Variants in KCNH8 observed in about 807,000 individuals in gnomAD.
KCNH8 encodes the protein voltage-gated delayed rectifier potassium channel KCNH8.
KCNH8 carries 70 observed loss-of-function variants against 103.6 expected under a neutral mutation model. The observed-to-expected ratio is 0.68, with a 90% CI of 0.56 to 0.82. The LOEUF is 0.82. Ranked by LOEUF, KCNH8 falls within the 40% of genes least tolerant of loss-of-function variation. The pLI, the probability that KCNH8 is intolerant of heterozygous loss-of-function variation, is 0.00. For synonymous variants in KCNH8, 498 were observed against 489.4 expected (o/e 1.02, Z -0.23); for missense variants, 1,217 against 1,329.9 (o/e 0.92, Z 1.32).
chr3:19,288,181 C>CTTTTTTTTTTTTTTTT lies in KCNH8; in HGVS notation c.442+6867_442+6882dup, dbSNP rs767659898. Among the ~76,000 whole-genome samples, 4 of 38,162 alleles carry CTTTTTTTTTTTTTTTT rather than the reference C, an allele frequency of 1.0e-4. 1 individual carries two copies. Among genetic ancestry groups the CTTTTTTTTTTTTTTTT allele is most frequent in the African/African-American group, 3.9e-4 (4 of 10,366 alleles). 25.0% of individuals were successfully genotyped at this position (38,162 alleles called of 152,430 possible). On this transcript the variant is annotated intron_variant, in intron 3 of 15. Coordinates refer to ENST00000328405, the MANE Select transcript of KCNH8 (RefSeq NM_144633.3). ...CTTCTTGCACCGGTGTATCAAACTT[C>CTTTTTTTTTTTTTTTT]TTTTTTTTTTTTTTTTTTTTTTTTT...
chr3:19,476,591 T>G lies in KCNH8; in HGVS notation c.2040+19609T>G, dbSNP rs138694189. ...GGATCTCAGCTTAATATAATGAATT[T>G]AAACAGTGTAAATTCTTTTCACACA... On this transcript the variant is annotated intron_variant, in intron 11 of 15. Coordinates refer to ENST00000328405, the MANE Select transcript of KCNH8 (RefSeq NM_144633.3). Among the ~76,000 whole-genome samples, 454 of 152,234 alleles carry G rather than the reference T, an allele frequency of 3.0e-3. 3 individuals are homozygous for G. The highest frequency in any genetic ancestry group is 0.011 in the African/African-American group (443 of 41,542).
chr3:19,223,631 G>C (rs554654323), intron 1 of KCNH8, among the ~76,000 whole-genome samples: 64 of 152,184 alleles, frequency 4.2e-4, no homozygotes, highest in African/African-American at 1.5e-3. Context: ...TACTGCTAAT[G>C]GTGAAGGTTT....
intron 3 of KCNH8, among the ~76,000 whole-genome samples, chr3:19,288,301 C>T (rs1452114167): frequency 7.1e-6 from 1 of 141,450 alleles, no homozygotes; most frequent in African/African-American, 2.6e-5. Flanking sequence ...CATATGTATA[C>T]ATGTGCCATG....
chr3:19,502,679 G>C (rs1343877567), intron 11 of KCNH8, among the ~76,000 whole-genome samples: 1 of 151,794 alleles, frequency 6.6e-6, no homozygotes, highest in Non-Finnish European at 1.5e-5. Flanking sequence ...AATGGGGAAA[G>C]GATTCCCTAT....
intron 7 of KCNH8, among the ~76,000 whole-genome samples, chr3:19,402,145 C>G (rs966161037): frequency 6.6e-6 from 1 of 151,864 alleles, no homozygotes; most frequent in Non-Finnish European, 1.5e-5. Flanking sequence ...CAGAGAAATT[C>G]TGAAGAAATT....
At chr3:19,394,671 CCTTTA>C (rs1264352450) in intron 6 of KCNH8, among the ~76,000 whole-genome samples, 2 of 152,050 alleles carry the variant, frequency 1.3e-5, no homozygotes, top group African/African-American at 4.8e-5. Context: ...ACTTTCTGTG[CCTTTA>C]CTTCAATTTG....
intron 1 of KCNH8, among the ~76,000 whole-genome samples, chr3:19,198,840 G>A (rs1382461471): frequency 6.6e-6 from 1 of 152,024 alleles, no homozygotes; most frequent in Non-Finnish European, 1.5e-5. Flanking sequence ...AGATGAATTA[G>A]CTGTCTCACT....
chr3:19,281,364 A>G (rs2125274376), intron 3 of KCNH8, 35 bp downstream of exon 3: 1 of 1,548,108 alleles, frequency 6.5e-7, no homozygotes, highest in Non-Finnish European at 8.7e-7. Context: ...TGACAGATGG[A>G]GTAACATTTT....
At chr3:19,306,667 G>T (rs968269307) in intron 3 of KCNH8, among the ~76,000 whole-genome samples, 9 of 152,196 alleles carry the variant, frequency 5.9e-5, no homozygotes, top group African/African-American at 2.2e-4. Flanking sequence ...AGGCAAATTG[G>T]TGGAGAGAAC....
At chr3:19,180,122 A>G (rs2063436566) in intron 1 of KCNH8, among the ~76,000 whole-genome samples, 1 of 152,174 alleles carries the variant, frequency 6.6e-6, no homozygotes, top group Non-Finnish European at 1.5e-5. Flanking sequence ...TTTCTGCTGA[A>G]AAGTTTAGAG....
intron 3 of KCNH8, among the ~76,000 whole-genome samples, chr3:19,308,714 CTCT>C (rs529181178): frequency 1.7e-4 from 11 of 65,148 alleles, no homozygotes; most frequent in Admixed American, 5.6e-4. Context: ...CTCTCTCTCT[CTCT>C]CCCCCTCTCT....
intron 5 of KCNH8, among the ~76,000 whole-genome samples, chr3:19,360,160 A>G (rs2125328538): frequency 6.6e-6 from 1 of 152,236 alleles, no homozygotes; most frequent in South Asian, 2.1e-4. Context: ...TCAAATTTGA[A>G]ATGCACATAC....
intron 3 of KCNH8, among the ~76,000 whole-genome samples, chr3:19,315,364 A>C (rs1390841515): frequency 6.6e-6 from 1 of 151,982 alleles, no homozygotes; most frequent in Non-Finnish European, 1.5e-5. Flanking sequence ...ATGAGAAAGG[A>C]AAAGTTGCCT....
At chr3:19,262,911 T>C (rs560178675) in intron 2 of KCNH8, among the ~76,000 whole-genome samples, 1 of 152,094 alleles carries the variant, frequency 6.6e-6, no homozygotes, top group Non-Finnish European at 1.5e-5. Flanking sequence ...TCTTCTCACC[T>C]AGCCCTCCCA....
rs780965742 is a variant in KCNH8 at position 19,456,762 on chromosome 3, T to C, written c.1826-6T>C. ...TTTTGAAAATGATCTCTCTCTCTCT[T>C]TCTAGGGAAAGGGGATTTAATTGGA... On this transcript the variant is annotated splice_polypyrimidine_tract_variant and splice_region_variant and intron_variant, in intron 10 of 15. Transcript: ENST00000328405. 3 of 1,595,610 alleles carry C rather than the reference T, an allele frequency of 1.9e-6. No individual in the cohort carries two copies. Among genetic ancestry groups the C allele is most frequent in the Non-Finnish European group, 2.6e-6 (3 of 1,164,126 alleles).
chr3:19,461,521 T>C (rs1223768702), intron 11 of KCNH8, among the ~76,000 whole-genome samples: 2 of 152,094 alleles, frequency 1.3e-5, no homozygotes, highest in Non-Finnish European at 2.9e-5. Context: ...TCACACAGGA[T>C]TTTCTGTGGT....
chr3:19,455,717 A>C (rs1448749602), intron 10 of KCNH8, among the ~76,000 whole-genome samples: 1 of 152,070 alleles, frequency 6.6e-6, no homozygotes, highest in Non-Finnish European at 1.5e-5. Flanking sequence ...AATGAAGTGG[A>C]ATTCTTTCTA....
rs2065204274 is a variant in KCNH8 at position 19,311,279 on chromosome 3, T to TA, written c.442+29951dup. On this transcript the variant is annotated intron_variant, in intron 3 of 15. Transcript: ENST00000328405. The stretch of plus-strand genomic sequence containing the variant: ...TTTACCACATTTAATTGTCACAAAA[T>TA]ACCTTGAAATAGGTATTCTTATTAA... Among the ~76,000 whole-genome samples, 2 of 151,702 alleles carry TA rather than the reference T, an allele frequency of 1.3e-5. 1 individual carries two copies. Among genetic ancestry groups the TA allele is most frequent in the Admixed American group, 1.3e-4 (2 of 15,164 alleles).
chr3:19,235,460 A>G (rs2064052733), intron 1 of KCNH8, among the ~76,000 whole-genome samples: 1 of 152,200 alleles, frequency 6.6e-6, no homozygotes, highest in Non-Finnish European at 1.5e-5. Flanking sequence ...GGGAAAGATG[A>G]GAGGGACTAA....
Sources: gnomAD v4.1 joint callset for allele counts (sites outside exome capture counted in the v4.1 genomes callset) on GRCh38, gnomAD v4.1.1 for gene constraint, MANE v1.5 for transcripts, NCBI Gene and HGNC (gene_info 2026-07-23, HGNC 2026-07-21) for gene names.